ALKBH3: variants seen among roughly 807,000 people sequenced by gnomAD.
ALKBH3 encodes alpha-ketoglutarate-dependent dioxygenase alkB homolog 3.
In ALKBH3, 51 loss-of-function variants were observed where a neutral mutation model predicts 43.9. That is an observed-to-expected ratio of 1.16 (90% CI 0.93 to 1.47). The LOEUF (loss-of-function observed/expected upper bound fraction) is 1.47, where lower values mean the gene tolerates loss of function less well. Ranked by LOEUF, ALKBH3 falls within the 40% of genes most tolerant of loss-of-function variation. The probability of loss-of-function intolerance (pLI) is 0.00; values close to 1 mark genes in which losing one functional copy is unlikely to be tolerated. For synonymous variants in ALKBH3, 102 were observed against 115.2 expected (o/e 0.89, Z 0.73); for missense variants, 361 against 351.9 (o/e 1.03, Z -0.21).
intron 7 of ALKBH3, chr11:43,898,508 A>G (rs1590372641): frequency 1.1e-6 from 1 of 940,566 alleles, no homozygotes; most frequent in Non-Finnish European, 1.7e-6. Flanking sequence ...GCACTCGGGG[A>G]GGAAGCCCTG....
At chr11:43,886,553 A>G (rs778813421) in intron 4 of ALKBH3, 53 bp from the exon 5 acceptor site, 197 of 1,566,302 alleles carry the variant, frequency 1.3e-4, no homozygotes, top group Non-Finnish European at 1.7e-4. Context: ...TCCACTGGGT[A>G]TAGCATATTG....
intron 8 of ALKBH3, among the ~76,000 whole-genome samples, chr11:43,908,107 A>G (rs553034459): frequency 2.0e-5 from 3 of 152,246 alleles, no homozygotes; most frequent in Non-Finnish European, 4.4e-5. Context: ...AGAATACTCT[A>G]TCACCTGGCT....
intron 8 of ALKBH3, among the ~76,000 whole-genome samples, chr11:43,904,867 G>A (rs932290071): frequency 2.0e-5 from 3 of 152,134 alleles, no homozygotes; most frequent in Non-Finnish European, 4.4e-5. Flanking sequence ...ATTTGTAGGA[G>A]TCTGACTTCC....
At chr11:43,898,098 C>T in intron 7 of ALKBH3, 1 of 1,053,854 alleles carries the variant, frequency 9.5e-7, no homozygotes, top group Non-Finnish European at 1.5e-6. Context: ...ATGCCCTCAG[C>T]AGCCCCAGTG....
chr11:43,899,571 C>A, intron 7 of ALKBH3: 1 of 637,924 alleles, frequency 1.6e-6, no homozygotes, highest in South Asian at 1.6e-5. Flanking sequence ...AGTGCCGCAC[C>A]ACCTGCACCT....
chr11:43,898,446 G>A (rs563761873), intron 7 of ALKBH3: 143 of 784,554 alleles, frequency 1.8e-4, no homozygotes, highest in Non-Finnish European at 3.0e-4. Flanking sequence ...AAGATGGGTG[G>A]CCCCTCTGTA....
At position 43,886,062 on chromosome 11, in the gene ALKBH3, C is replaced by A. The variant is rs546279356; in HGVS notation, c.219-544C>A. ...AGTGGTGTATTCAGGAGATTCCAAG[C>A]AGTTGATTGCTGCTGGAGGATGATG... On this transcript the variant is annotated intron_variant, in intron 4 of 9. Transcript: ENST00000302708. 5.3e-5 allele frequency among the ~76,000 whole-genome samples: 8 copies of A among 152,216 alleles called. 1 individual carries two copies. The South Asian group carries it at 8.3e-4, about 16-fold the overall frequency.
intron 8 of ALKBH3, chr11:43,909,878 C>G (rs1951924077): frequency 6.6e-6 from 1 of 152,196 alleles, no homozygotes; most frequent in Non-Finnish European, 1.5e-5. Flanking sequence ...TGAAGTCTCC[C>G]CTTTCTCAAA....
chr11:43,898,973 C>G, intron 7 of ALKBH3: 1 of 752,454 alleles, frequency 1.3e-6, no homozygotes, highest in South Asian at 1.4e-5. Context: ...AGAATGAAGA[C>G]CTCAAGCTCT....
intron 8 of ALKBH3, among the ~76,000 whole-genome samples, chr11:43,917,158 A>G (rs367930602): frequency 1.4e-4 from 22 of 152,322 alleles, no homozygotes; most frequent in African/African-American, 5.3e-4. Flanking sequence ...TCTCATTTGA[A>G]AAGTTCAGAT....
intron 8 of ALKBH3, among the ~76,000 whole-genome samples, chr11:43,915,935 T>A (rs1361990978): frequency 6.6e-6 from 1 of 152,208 alleles, no homozygotes; most frequent in African/African-American, 2.4e-5. Flanking sequence ...ACATAAACTT[T>A]CCCTCATGGA....
At chr11:43,885,333 T>C (rs1264978798) in intron 4 of ALKBH3, among the ~76,000 whole-genome samples, 1 of 152,218 alleles carries the variant, frequency 6.6e-6, no homozygotes, top group Non-Finnish European at 1.5e-5. Context: ...ATACACCATA[T>C]TGAAACATTT....
chr11:43,915,823 C>T (rs907750239), intron 8 of ALKBH3, among the ~76,000 whole-genome samples: 8 of 152,182 alleles, frequency 5.3e-5, no homozygotes, highest in African/African-American at 1.9e-4. Flanking sequence ...GATAGGATTA[C>T]AGGCGATTTT....
chr11:43,919,389 A>T (rs1462646932), intron 9 of ALKBH3, among the ~76,000 whole-genome samples: 1 of 152,254 alleles, frequency 6.6e-6, no homozygotes, highest in Non-Finnish European at 1.5e-5. Flanking sequence ...CACTAGCCAC[A>T]TATGACTGAC....
rs568796775 is a variant in ALKBH3 at position 43,901,647 on chromosome 11, A to C, written c.591A>C (p.Ser197=). The change falls in exon 8 of 10, where the codon TCA becomes TCC. Residue 197 remains serine, a synonymous_variant. Coordinates refer to ENST00000302708, the MANE Select transcript of ALKBH3 (RefSeq NM_139178.4). ...ACTGGCACAGTGATGATGAACCCTC[A>C]CTAGGGAGGTGCCCCATTATTGCTT... ...SVDWHSDDEP[S]LGRCPIIASL... 6.2e-6 allele frequency: 10 copies of C among 1,614,242 alleles called. No homozygotes were observed. The South Asian group carries it at 1.1e-4, about 18-fold the overall frequency.
At chr11:43,888,520 CTAAT>C (rs1951761694) in intron 5 of ALKBH3, among the ~76,000 whole-genome samples, 1 of 152,166 alleles carries the variant, frequency 6.6e-6, no homozygotes, top group Admixed American at 6.5e-5. Context: ...CATGAGTATA[CTAAT>C]TGTCACTATA....
chr11:43,899,139 C>A, intron 7 of ALKBH3: 1 of 772,390 alleles, frequency 1.3e-6, no homozygotes, highest in Non-Finnish European at 2.4e-6. Context: ...GAGGTCGCCA[C>A]AGCCACCCAA....
At position 43,882,520 on chromosome 11, in the gene ALKBH3, C is replaced by A. The variant is rs377055074; in HGVS notation, c.-70-63C>A. The stretch of plus-strand genomic sequence containing the variant: ...AGTCTTCTGCCTGAAATTAATTATG[C>A]CTTAGGAGTAATTGTTCACAATCCT... On this transcript the variant is annotated intron_variant, in intron 1 of 9. Coordinates refer to ENST00000302708, the MANE Select transcript of ALKBH3 (RefSeq NM_139178.4). 1,460 of 698,766 alleles carry A rather than the reference C, an allele frequency of 2.1e-3. 42 individuals carry two copies. In the South Asian group the frequency reaches 0.031, roughly 15 times the overall value. 43.3% of individuals were successfully genotyped at this position (698,766 alleles called of 1,614,324 possible).
At chr11:43,907,103 G>A (rs1034675667) in intron 8 of ALKBH3, among the ~76,000 whole-genome samples, 4 of 152,178 alleles carry the variant, frequency 2.6e-5, no homozygotes, top group Admixed American at 1.3e-4. Flanking sequence ...GGAAGCCTCA[G>A]GGAGGGTAAG....
Sources: allele counts gnomAD v4.1 joint callset (sites outside exome capture counted in the v4.1 genomes callset), GRCh38; gene constraint gnomAD v4.1.1; transcripts MANE v1.5; gene names NCBI Gene and HGNC (gene_info 2026-07-23, HGNC 2026-07-21).